Variants in CHD4 observed in about 807,000 individuals in gnomAD.
CHD4 encodes chromodomain helicase DNA binding protein 4, also known as ATP-dependent chromatin remodeler CHD4.
A neutral mutation model predicts 235.5 loss-of-function variants in CHD4; 35 were observed. The observed-to-expected ratio is 0.15, with a 90% CI of 0.11 to 0.20. CHD4 has a LOEUF of 0.20. CHD4 is among the 10% of genes least tolerant of loss of function. The pLI, the probability that CHD4 is intolerant of heterozygous loss-of-function variation, is 1.00. For synonymous variants in CHD4, 900 were observed against 850.2 expected, an observed-to-expected ratio of 1.06 and a Z score of -1.02; for missense variants, 1,329 against 2,432.3, an observed-to-expected ratio of 0.55 and a Z score of 9.54.
chr12:6,581,379 A>G lies in CHD4; in HGVS notation c.4691T>C (p.Ile1564Thr). The change falls in exon 32 of 40, where the codon ATA (isoleucine) becomes ACA (threonine). Residue 1564 changes from isoleucine to threonine, a missense_variant. By Grantham distance (89) the Ile-to-Thr change is moderately conservative. This residue lies in a region of CHD4 where 219 missense variants were observed against 219.3 expected (regional missense o/e 1.00). Transcript: ENST00000544040. ...TTTGAGGCTATTTTCCTCTATTTTT[A>G]TCCCATCTTCTGCAGAACAATAAAA... ...PAPVPPAEDG[I>T]KIEENSLKEE... 6.2e-7 allele frequency: 1 copy of G among 1,613,650 alleles called. No homozygotes were observed. Among genetic ancestry groups the G allele is most frequent in the Non-Finnish European group, 8.5e-7 (1 of 1,179,758 alleles).
chr12:6,586,131 G>A (rs1948290290), intron 25 of CHD4, among the ~76,000 whole-genome samples: 1 of 151,406 alleles, frequency 6.6e-6, no homozygotes, highest in African/African-American at 2.4e-5. Flanking sequence ...AGGGGCAGTG[G>A]CTCACGCCTG....
intron 12 of CHD4, among the ~76,000 whole-genome samples, chr12:6,596,620 A>T (rs1013030517): frequency 8.6e-5 from 13 of 151,944 alleles, no homozygotes; most frequent in Non-Finnish European, 1.5e-4. Context: ...GCCAGCATGG[A>T]GAAACCCCGT....
intron 37 of CHD4, among the ~76,000 whole-genome samples, chr12:6,577,362 T>C (rs1948088447): frequency 6.9e-6 from 1 of 145,292 alleles, no homozygotes; most frequent in African/African-American, 2.5e-5. Context: ...ACAGAGGTTG[T>C]AGTGAGCAGA....
intron 7 of CHD4, 50 bp from the exon 8 acceptor site, chr12:6,600,719 A>C (rs1294337328): frequency 6.2e-7 from 1 of 1,605,084 alleles, no homozygotes; most frequent in Admixed American, 1.7e-5. Flanking sequence ...AAGGGGAAGG[A>C]CAGAGTGGCA....
chr12:6,583,071 A>G lies in CHD4; in HGVS notation c.4103T>C (p.Val1368Ala). ...GTCTTCATCACCTTCCTCTGAAGCC[A>G]CTGAGTAATCGGACTGGTTGTCGGA... is the stretch of plus-strand genomic sequence containing the variant. ...DQSDNQSDYS[V>A]ASEEGDEDFD... The change falls in exon 27 of 40, where the codon GTG (valine) becomes GCG (alanine). Residue 1368 changes from valine to alanine, a missense_variant. By Grantham distance (64) the Val-to-Ala change is moderately conservative. Transcript: ENST00000544040. 1 of 1,574,446 alleles carries G rather than the reference A, an allele frequency of 6.4e-7. No individual in the cohort carries two copies. Among genetic ancestry groups the G allele is most frequent in the Non-Finnish European group, 8.6e-7 (1 of 1,161,460 alleles).
In CHD4 at chr12:6,589,063, C is replaced by T. The variant is rs118040464; in HGVS notation, c.3341-641G>A. Among the ~76,000 whole-genome samples the T allele has an allele frequency of 2.7e-3, 407 of 152,058 alleles. 10 individuals carry two copies. The East Asian group carries it at 0.068, about 25-fold the overall frequency. On this transcript the variant is annotated intron_variant, in intron 22 of 39. Coordinates refer to ENST00000544040, the MANE Select transcript of CHD4 (RefSeq NM_001273.5). ...AGGAGTTCGAGACTAAGCTGGCCAA[C>T]GTGGTGAAACCCTGCCTACTAAAAA... is the stretch of plus-strand genomic sequence containing the variant.
chr12:6,599,340 T>TG (rs1472879070), intron 10 of CHD4, among the ~76,000 whole-genome samples: 3 of 151,724 alleles, frequency 2.0e-5, no homozygotes, highest in Non-Finnish European at 4.4e-5. Flanking sequence ...AGCAAGAGGT[T>TG]GAGATAGGAG....
At chr12:6,582,770 G>A (rs144404151) in intron 28 of CHD4, 22 bp from the exon 29 acceptor site, 11 of 1,614,112 alleles carry the variant, frequency 6.8e-6, no homozygotes, top group Non-Finnish European at 8.5e-6. Flanking sequence ...AGAAACCCAG[G>A]TGAGAGGCAG....
In CHD4 at chr12:6,592,564, T is replaced by C; in HGVS notation, c.2777A>G (p.Asn926Ser). Reference sequence around the variant, plus strand: ...AAACTCCTCCAAAAAACCTTCCAAATTGCTTCAGAAAGAAAAAGGAAAAAA... The same window carrying C: ...AAACTCCTCCAAAAAACCTTCCAAACTGCTTCAGAAAGAAAAAGGAAAAAA... ...LNFLTPERFH[N>S]LEGFLEEFAD... Residue 926 changes from asparagine (N) to serine (S), a missense_variant and splice_region_variant, in exon 19 of 40, where the codon AAT becomes AGT. Asn to Ser is a conservative substitution (Grantham distance 46). Coordinates refer to ENST00000544040, the MANE Select transcript of CHD4 (RefSeq NM_001273.5). 2 of 1,582,808 alleles carry C rather than the reference T, an allele frequency of 1.3e-6. No homozygotes were observed. Among genetic ancestry groups the C allele is most frequent in the Non-Finnish European group, 1.7e-6 (2 of 1,160,894 alleles).
Position 6,587,957 on chromosome 12 carries a change from T to C in CHD4, c.3466-8A>G, listed in dbSNP as rs770885235. The C allele has an allele frequency of 1.2e-6, 2 of 1,610,690 alleles. No homozygotes were observed. The highest frequency in any genetic ancestry group is 1.7e-6 in the Non-Finnish European group (2 of 1,176,968). On this transcript the variant is annotated splice_region_variant and splice_polypyrimidine_tract_variant and intron_variant, in intron 23 of 39. Transcript: ENST00000544040. ...GTGAGCTCTGCTAAAGGCCTGGAGT[T>C]GAACAGGAAATAAAGCCAGAAATTG... is the stretch of plus-strand genomic sequence containing the variant.
At chr12:6,603,454 GGA>G (rs1592284743) in intron 2 of CHD4, among the ~76,000 whole-genome samples, 1 of 151,988 alleles carries the variant, frequency 6.6e-6, no homozygotes, top group East Asian at 1.9e-4. Context: ...CACCCACTGA[GGA>G]GAGGGAAAAT....
At chr12:6,578,305 TCAAA>T in intron 35 of CHD4, 100 bp downstream of exon 35, 2 of 1,458,046 alleles carry the variant, frequency 1.4e-6, no homozygotes, top group Non-Finnish European at 1.9e-6. Flanking sequence ...CATTCCCTCA[TCAAA>T]CAGAGGTAAA....
rs912709161 is a variant in CHD4 at position 6,581,876 on chromosome 12, C to T, written c.4516-62G>A. On this transcript the variant is annotated intron_variant, in intron 30 of 39. Transcript: ENST00000544040. The stretch of plus-strand genomic sequence containing the variant: ...CAGCTACAGGCTCCTTTCCTATTGG[C>T]CTTCCAGTCTCCGCCTCCCGGGTTC... The T allele has an allele frequency of 9.4e-6, 14 of 1,482,716 alleles. No homozygotes were observed. In the Admixed American group the frequency reaches 2.7e-4, roughly 28 times the overall value. The allele number at this position is 1,482,716 out of a possible 1,614,324, so 91.8% of individuals were successfully genotyped here. A position where few individuals can be genotyped will look rare whatever the true frequency, so the allele number is the denominator to read the frequency against.
chr12:6,582,408 G>A (rs1948211001), intron 29 of CHD4, 127 bp from the exon 30 acceptor site: 6 of 1,313,130 alleles, frequency 4.6e-6, no homozygotes, highest in Non-Finnish European at 5.2e-6. Flanking sequence ...GCCCACCACT[G>A]CACGGGAAGG....
chr12:6,578,145 G>C lies in CHD4; in HGVS notation c.5120-8C>G. On this transcript the variant is annotated splice_polypyrimidine_tract_variant and splice_region_variant and intron_variant, in intron 35 of 39. Transcript: ENST00000544040. ...GCCAAAGGGAGTGCAACTCTGAGGA[G>C]GAATTTAGGGAAGGTTGGGGGTGGG... The C allele has an allele frequency of 6.2e-7, 1 of 1,608,848 alleles. No individual in the cohort carries two copies. The highest frequency in any genetic ancestry group is 2.2e-5 in the East Asian group (1 of 44,868).
intron 37 of CHD4, among the ~76,000 whole-genome samples, chr12:6,573,821 C>T (rs1214465538): frequency 6.6e-6 from 1 of 152,008 alleles, no homozygotes; most frequent in Non-Finnish European, 1.5e-5. Flanking sequence ...GTCAGGAGTT[C>T]AAGACCAGCC....
chr12:6,578,430 T>C lies in CHD4; in HGVS notation c.5098A>G (p.Ile1700Val). ...ATACCAGTAAAACCACCATCTGCAA[T>C]GTTAAACATGAAACGTTGTTTAATA... ...KNIKQRFMFN[I>V]ADGGFTELHS... The change falls in exon 35 of 40, where the codon ATT (isoleucine) becomes GTT (valine). Residue 1700 changes from isoleucine to valine, a missense_variant. Ile to Val is a conservative substitution (Grantham distance 29). This residue lies in a region of CHD4 where 135 missense variants were observed against 282.3 expected (regional missense o/e 0.48). Coordinates refer to ENST00000544040, the MANE Select transcript of CHD4 (RefSeq NM_001273.5). 1 of 1,614,036 alleles carries C rather than the reference T, an allele frequency of 6.2e-7. No individual in the cohort carries two copies. The highest frequency in any genetic ancestry group is 8.5e-7 in the Non-Finnish European group (1 of 1,180,020).
chr12:6,603,021 C>T (rs1351718830), intron 2 of CHD4: 1 of 152,658 alleles, frequency 6.6e-6, no homozygotes, highest in African/African-American at 2.4e-5. Flanking sequence ...CCAGAACCTC[C>T]AAGTCCTAGG....
intron 3 of CHD4, 85 bp from the exon 4 acceptor site, chr12:6,602,260 C>T (rs1455906662): frequency 1.3e-6 from 2 of 1,598,186 alleles, no homozygotes; most frequent in Non-Finnish European, 1.7e-6. Context: ...GAGGCTCATC[C>T]CCAGAACATG....
Sources: allele counts gnomAD v4.1 joint callset (sites outside exome capture counted in the v4.1 genomes callset), GRCh38; gene constraint gnomAD v4.1.1; regional missense constraint gnomAD v4.1.1; transcripts MANE v1.5; gene names NCBI Gene and HGNC (gene_info 2026-07-23, HGNC 2026-07-21).